The following TMEM132C variants were observed in gnomAD, a reference collection of about 807,000 sequenced individuals.
TMEM132C encodes the protein protein phosphatase 1, regulatory subunit 152.
A neutral mutation model predicts 61.4 loss-of-function variants in TMEM132C; 29 were observed. The ratio of observed to expected loss-of-function variants is 0.47; its 90% CI spans 0.35 to 0.64. TMEM132C has a LOEUF of 0.64. TMEM132C is among the 30% of genes least tolerant of loss of function. The probability of loss-of-function intolerance (pLI) is 0.00; values close to 1 mark genes in which losing one functional copy is unlikely to be tolerated. For synonymous variants in TMEM132C, 656 were observed against 633.1 expected (o/e 1.04, Z -0.54); for missense variants, 1,408 against 1,476.9 (o/e 0.95, Z 0.76).
intron 3 of TMEM132C, among the ~76,000 whole-genome samples, chr12:128,614,463 A>T (rs1030158157): frequency 1.2e-3 from 168 of 140,086 alleles, no homozygotes; most frequent in African/African-American, 3.9e-3. Flanking sequence ...CAAACAAATT[A>T]AAAAAAAAAA....
intron 4 of TMEM132C, among the ~76,000 whole-genome samples, chr12:128,636,341 C>G (rs1368146012): frequency 6.6e-6 from 1 of 152,132 alleles, no homozygotes; most frequent in East Asian, 1.9e-4. Flanking sequence ...CGTGAACTGC[C>G]ACACCCGGTG....
chr12:128,492,112 G>A (rs1292798650), intron 2 of TMEM132C, among the ~76,000 whole-genome samples: 1 of 151,996 alleles, frequency 6.6e-6, no homozygotes, highest in African/African-American at 2.4e-5. Context: ...TTGGTTTTTT[G>A]TTCTTGCAAT....
intron 1 of TMEM132C, chr12:128,289,020 T>G (rs193022220): frequency 6.6e-6 from 1 of 152,132 alleles, no homozygotes; most frequent in Admixed American, 6.5e-5. Flanking sequence ...AGCGCACACA[T>G]GCACACTCAC....
Position 128,278,865 on chromosome 12 carries a change from T to C in TMEM132C, c.85+11378T>C, listed in dbSNP as rs1297222569. Among the ~76,000 whole-genome samples, 1 of 151,676 alleles carries C rather than the reference T, an allele frequency of 6.6e-6. No homozygotes were observed. Among genetic ancestry groups the C allele is most frequent in the Non-Finnish European group, 1.5e-5 (1 of 67,984 alleles). ...AATGTGGGTAGCCTCATCCAATGAG[T>C]TGAAGGCCTGCAGAGATCAAAAGGC... On this transcript the variant is annotated intron_variant, in intron 1 of 8. Coordinates refer to ENST00000435159, the MANE Select transcript of TMEM132C (RefSeq NM_001136103.3). The surrounding 1 kb of genome is among the most constrained non-coding windows in gnomAD (Gnocchi z 4.2).
At chr12:128,530,448 C>CT (rs398056093) in intron 2 of TMEM132C, among the ~76,000 whole-genome samples, 8,171 of 144,544 alleles carry the variant, frequency 0.057, 223 homozygotes, top group Non-Finnish European at 0.064. Context: ...ACTTCTTTTT[C>CT]TTTTTTTTTT....
chr12:128,657,090 G>A (rs377443788), intron 4 of TMEM132C, among the ~76,000 whole-genome samples: 58 of 152,182 alleles, frequency 3.8e-4, no homozygotes, highest in Middle Eastern at 6.8e-3. Flanking sequence ...TACCTCCCAA[G>A]AGAAAAAAAT....
chr12:128,657,661 G>A (rs1954340206), intron 4 of TMEM132C, among the ~76,000 whole-genome samples: 1 of 152,172 alleles, frequency 6.6e-6, no homozygotes, highest in East Asian at 1.9e-4. Flanking sequence ...CTGCATGTGT[G>A]GCTCATCTAG....
chr12:128,500,976 T>C (rs916270873), intron 2 of TMEM132C, among the ~76,000 whole-genome samples: 7 of 152,208 alleles, frequency 4.6e-5, no homozygotes, highest in South Asian at 2.1e-4. Context: ...AAATTTGGAA[T>C]AGCCATACTA....
intron 1 of TMEM132C, among the ~76,000 whole-genome samples, chr12:128,383,184 G>C (rs562225086): frequency 6.6e-6 from 1 of 152,054 alleles, no homozygotes; most frequent in Admixed American, 6.5e-5. Flanking sequence ...CAGTGTGTGC[G>C]CATGTGCACC....
chr12:128,670,650 C>T (rs946583458), intron 5 of TMEM132C, among the ~76,000 whole-genome samples: 3 of 152,180 alleles, frequency 2.0e-5, no homozygotes, highest in African/African-American at 7.2e-5. Context: ...TGTTTATACA[C>T]CACATTCTCT....
chr12:128,364,268 C>T (rs1356385876), intron 1 of TMEM132C, among the ~76,000 whole-genome samples: 1 of 149,360 alleles, frequency 6.7e-6, no homozygotes, highest in Non-Finnish European at 1.5e-5. Context: ...CTTCCTCTCA[C>T]CCCTCCCTCT....
intron 3 of TMEM132C, among the ~76,000 whole-genome samples, chr12:128,581,458 G>A (rs780188777): frequency 2.6e-5 from 4 of 152,122 alleles, no homozygotes; most frequent in African/African-American, 9.7e-5. Context: ...TTCCATCTGT[G>A]GGTTTCGCAG....
At chr12:128,532,891 C>T (rs1289660062) in intron 2 of TMEM132C, among the ~76,000 whole-genome samples, 3 of 152,070 alleles carry the variant, frequency 2.0e-5, no homozygotes, top group Non-Finnish European at 2.9e-5. Context: ...ACCCATGCCA[C>T]GTTTGTTGAT....
chr12:128,357,462 C>T lies in TMEM132C; in HGVS notation c.86-57270C>T, dbSNP rs140638591. ...CTGTAATCTCAGCAGTTTGGGAGGC[C>T]GAGGCAGGTGGATCACAAGGTCAGG... is the stretch of plus-strand genomic sequence containing the variant. On this transcript the variant is annotated intron_variant, in intron 1 of 8. Transcript: ENST00000435159. Among the ~76,000 whole-genome samples the T allele has an allele frequency of 3.3e-3, 495 of 152,148 alleles. 3 individuals are homozygous for T. The highest frequency in any genetic ancestry group is 0.011 in the African/African-American group (477 of 41,508).
At chr12:128,546,989 G>T (rs565424935) in intron 3 of TMEM132C, among the ~76,000 whole-genome samples, 1 of 152,164 alleles carries the variant, frequency 6.6e-6, no homozygotes, top group Non-Finnish European at 1.5e-5. Flanking sequence ...TTGGGGTACC[G>T]AGGTCAGGCC....
chr12:128,514,613 A>C (rs1378226127), intron 2 of TMEM132C, among the ~76,000 whole-genome samples: 2 of 152,146 alleles, frequency 1.3e-5, no homozygotes, highest in Non-Finnish European at 2.9e-5. Flanking sequence ...CACCCTAAAG[A>C]AGAGTTGATA....
intron 1 of TMEM132C, among the ~76,000 whole-genome samples, chr12:128,366,072 G>T (rs559849409): frequency 6.6e-6 from 1 of 152,324 alleles, no homozygotes; most frequent in South Asian, 2.1e-4. Flanking sequence ...CGCTGTGAAT[G>T]CACTTCCCTT....
At chr12:128,360,224 A>C (rs1292070662) in intron 1 of TMEM132C, among the ~76,000 whole-genome samples, 1 of 147,722 alleles carries the variant, frequency 6.8e-6, no homozygotes, top group Admixed American at 6.9e-5. Context: ...ATACAGTAAC[A>C]ATGTTAGATT....
At chr12:128,695,529 GATAATA>G (rs1954753614) in intron 6 of TMEM132C, among the ~76,000 whole-genome samples, 2 of 152,072 alleles carry the variant, frequency 1.3e-5, no homozygotes, top group Admixed American at 1.3e-4. Context: ...TCTCTAAAAA[GATAATA>G]ATAATTCATT....
Sources: gnomAD v4.1 joint callset for allele counts (sites outside exome capture counted in the v4.1 genomes callset) on GRCh38, gnomAD v4.1.1 for gene constraint, Gnocchi (gnomAD v3.1) non-coding constraint, MANE v1.5 for transcripts, NCBI Gene and HGNC (gene_info 2026-07-23, HGNC 2026-07-21) for gene names.